The following ATP11A variants were observed in gnomAD, a reference collection of about 807,000 sequenced individuals.
ATP11A encodes phospholipid-transporting ATPase IH.
A neutral mutation model predicts 154.4 loss-of-function variants in ATP11A; 81 were observed. The ratio of observed to expected loss-of-function variants is 0.52; its 90% confidence interval spans 0.44 to 0.63. The LOEUF is 0.63. Ranked by LOEUF, ATP11A falls within the 30% of genes least tolerant of loss-of-function variation. ATP11A has a pLI of 0.00. For synonymous variants in ATP11A, 623 were observed against 585.9 expected (o/e 1.06, Z -0.91); for missense variants, 1,316 against 1,474.3 (o/e 0.89, Z 1.76).
intron 25 of ATP11A, among the ~76,000 whole-genome samples, chr13:112,870,219 T>C (rs1407386389): frequency 6.6e-6 from 1 of 152,136 alleles, no homozygotes; most frequent in African/African-American, 2.4e-5. Flanking sequence ...CTACAAAAGG[T>C]CCTAACACTT....
rs908132477 is a variant in ATP11A, at chr13:112,785,232, C to A, written c.137C>A (p.Pro46Gln). Reference sequence around the variant, plus strand: ...GAGGCCTACATCCCACAGAGATACCCAGACAACAGGATCGTCTCGTCCAAG... The same window carrying A: ...GAGGCCTACATCCCACAGAGATACCAAGACAACAGGATCGTCTCGTCCAAG... The part of the protein sequence containing the change: ...GAEAYIPQRY[P>Q]DNRIVSSKYT... The change falls in exon 2 of 30, where the codon CCA becomes CAA. Residue 46 changes from proline to glutamine, a missense_variant. Transcript: ENST00000375645. The surrounding 1 kb of genome is among the most constrained non-coding windows in gnomAD (Gnocchi z 4.8). 3 of 1,555,494 alleles carry A rather than the reference C, an allele frequency of 1.9e-6. No homozygotes were observed. The highest frequency in any genetic ancestry group is 2.8e-5 in the African/African-American group (2 of 71,850).
chr13:112,726,348 T>A (rs941518817), intron 1 of ATP11A, among the ~76,000 whole-genome samples: 1 of 149,750 alleles, frequency 6.7e-6, no homozygotes, highest in Admixed American at 6.6e-5. Context: ...GGGCACTGCA[T>A]GCGTGCAGGG....
chr13:112,848,689 T>G (rs967657800), intron 17 of ATP11A, among the ~76,000 whole-genome samples: 2 of 152,236 alleles, frequency 1.3e-5, no homozygotes, highest in African/African-American at 4.8e-5. Flanking sequence ...CTGTAGGTTT[T>G]TCTTTTCTTT....
Position 112,859,533 on chromosome 13 carries a change from G to T in ATP11A, c.2727+81G>T. On this transcript the variant is annotated intron_variant, in intron 23 of 29. Coordinates refer to ENST00000375645, the MANE Select transcript of ATP11A (RefSeq NM_015205.3). The surrounding 1 kb of genome is among the most constrained non-coding windows in gnomAD (Gnocchi z 4.3). The stretch of plus-strand genomic sequence containing the variant: ...GTGGGTGGCTGCTGTGGGGAGGGGA[G>T]ACTTGGGAATGAGCAGCACTCCCCG... 8.1e-7 allele frequency: 1 copy of T among 1,235,116 alleles called. No individual in the cohort carries two copies. Among genetic ancestry groups the T allele is most frequent in the Admixed American group, 1.7e-5 (1 of 59,354 alleles). 76.5% of individuals were successfully genotyped at this position (1,235,116 alleles called of 1,614,324 possible). A position where few individuals can be genotyped will look rare whatever the true frequency, so the allele number is the denominator to read the frequency against.
intron 4 of ATP11A, among the ~76,000 whole-genome samples, chr13:112,808,506 C>T (rs973481265): frequency 2.0e-5 from 3 of 149,948 alleles, no homozygotes; most frequent in Non-Finnish European, 4.4e-5. Context: ...CTACTGACCT[C>T]CTTGTCCCTC....
chr13:112,792,079 G>T (rs1029722438), intron 2 of ATP11A, among the ~76,000 whole-genome samples: 1 of 152,222 alleles, frequency 6.6e-6, no homozygotes, highest in African/African-American at 2.4e-5. Flanking sequence ...CTTCACAGAG[G>T]TGGGATTAGT....
rs776851946 is a variant in ATP11A at position 112,878,208 on chromosome 13, G to A, written c.3328-9G>A. 5.0e-6 allele frequency: 8 copies of A among 1,613,952 alleles called. No individual in the cohort carries two copies. The highest frequency in any genetic ancestry group is 6.8e-6 in the Non-Finnish European group (8 of 1,179,942). ...CCCTGTGTGCGTGGCCGCTGACCTC[G>A]GGACTAAGACTAAGAGCCAGTGCCT... On this transcript the variant is annotated splice_polypyrimidine_tract_variant and intron_variant, in intron 28 of 29. Transcript: ENST00000375645.
chr13:112,722,014 G>C (rs969852650), intron 1 of ATP11A, among the ~76,000 whole-genome samples: 1 of 152,088 alleles, frequency 6.6e-6, no homozygotes, highest in Non-Finnish European at 1.5e-5. Flanking sequence ...ACATAACCCT[G>C]CAATCTGAAG....
chr13:112,832,991 C>G lies in ATP11A; in HGVS notation c.1527C>G (p.Pro509=), dbSNP rs200869077. 6.2e-7 allele frequency: 1 copy of G among 1,613,364 alleles called. No homozygotes were observed. The highest frequency in any genetic ancestry group is 8.5e-7 in the Non-Finnish European group (1 of 1,179,822). Residue 509 remains proline (P), a synonymous_variant, in exon 14 of 30, where the codon CCC becomes CCG. Coordinates refer to ENST00000375645, the MANE Select transcript of ATP11A (RefSeq NM_015205.3). ...CCTGTGTGTACATCTCATCCTCGCC[C>G]GACGAGGTGGCGCTGGTCGAAGGTG... ...GKSCVYISSS[P]DEVALVEGVQ... is the part of the protein sequence containing the mutation.
rs113857132 is a variant in ATP11A, at chr13:112,826,750, C to T, written c.1080C>T (p.Ile360=). 3.3e-5 allele frequency: 53 copies of T among 1,614,094 alleles called. 1 individual carries two copies. In the African/African-American group the frequency reaches 3.5e-4, roughly 11 times the overall value. The change falls in exon 12 of 30, where the codon ATC becomes ATT. Residue 360 remains isoleucine (I), a synonymous_variant. Coordinates refer to ENST00000375645, the MANE Select transcript of ATP11A (RefSeq NM_015205.3). ...LAFMVLFNYI[I]PVSMYVTVEM... ...TCATGGTCCTCTTTAACTACATCAT[C>T]CCTGTGTCCATGTACGTCACGGTCG...
At chr13:112,842,478 G>A in intron 17 of ATP11A, 99 bp downstream of exon 17, 1 of 919,692 alleles carries the variant, frequency 1.1e-6, no homozygotes, top group South Asian at 1.4e-5. Context: ...ATGGCGTATT[G>A]TATTCCTTGG....
intron 8 of ATP11A, among the ~76,000 whole-genome samples, chr13:112,820,377 C>G (rs1394780218): frequency 2.0e-5 from 3 of 152,218 alleles, no homozygotes; most frequent in Admixed American, 1.3e-4. Context: ...CACCATCATT[C>G]TGGGGTGCAT....
rs1034769326 is a variant in ATP11A at position 112,714,316 on chromosome 13, G to A, written c.39+23861G>A. Reference sequence around the variant, plus strand: ...GCTCCAGCTGTGTTCTCCATCTCCTGGTCTGGGGTGTTCCGCTGCAGCCAC... The same window carrying A: ...GCTCCAGCTGTGTTCTCCATCTCCTAGTCTGGGGTGTTCCGCTGCAGCCAC... On this transcript the variant is annotated intron_variant, in intron 1 of 29. Transcript: ENST00000375645. 2.0e-5 allele frequency among the ~76,000 whole-genome samples: 3 copies of A among 152,020 alleles called. No homozygotes were observed. The South Asian group carries it at 6.2e-4, about 32-fold the overall frequency.
intron 1 of ATP11A, among the ~76,000 whole-genome samples, chr13:112,770,600 A>G (rs1230810265): frequency 2.6e-5 from 4 of 152,170 alleles, no homozygotes; most frequent in African/African-American, 4.8e-5. Flanking sequence ...CGAAGGTGGG[A>G]GAGAACCGTG....
rs1195718486 is a variant in ATP11A, at chr13:112,882,455, G to A, written c.*589G>A. 46 of 458,604 alleles carry A rather than the reference G, an allele frequency of 1.0e-4. No homozygotes were observed. The highest frequency in any genetic ancestry group is 2.3e-5 in the Non-Finnish European group (6 of 257,424). 28.4% of individuals were successfully genotyped at this position (458,604 alleles called of 1,614,324 possible). The stretch of plus-strand genomic sequence containing the variant: ...TAGGGTGAGGTGGAGCCATGGTGGT[G>A]CGTCCTTTACTCAACAACCCTCCAA... On this transcript the variant is annotated 3_prime_UTR_variant, in exon 30 of 30. Coordinates refer to ENST00000375645, the MANE Select transcript of ATP11A (RefSeq NM_015205.3). The surrounding 1 kb of genome is among the most constrained non-coding windows in gnomAD (Gnocchi z 5.1).
At chr13:112,737,759 G>A (rs1215213587) in intron 1 of ATP11A, among the ~76,000 whole-genome samples, 1 of 152,236 alleles carries the variant, frequency 6.6e-6, no homozygotes, top group East Asian at 1.9e-4. Flanking sequence ...ACTGCAGTGG[G>A]CTCAGTGGTG....
intron 5 of ATP11A, 66 bp from the exon 6 acceptor site, chr13:112,816,017 C>A: frequency 6.2e-7 from 1 of 1,603,074 alleles, no homozygotes; most frequent in South Asian, 1.1e-5. Flanking sequence ...GGAAGCGGTC[C>A]CACAGGACGG....
At chr13:112,795,620 A>G (rs1180864083) in intron 2 of ATP11A, among the ~76,000 whole-genome samples, 1 of 152,236 alleles carries the variant, frequency 6.6e-6, no homozygotes. Flanking sequence ...TTACTGAGTG[A>G]TGTATTATAG....
intron 1 of ATP11A, among the ~76,000 whole-genome samples, chr13:112,706,456 T>C (rs1446681464): frequency 1.3e-5 from 2 of 152,218 alleles, no homozygotes; most frequent in African/African-American, 4.8e-5. Context: ...TTCCTAAGTG[T>C]GTTTATAAGA....
Sources: allele counts gnomAD v4.1 joint callset (sites outside exome capture counted in the v4.1 genomes callset), GRCh38; gene constraint gnomAD v4.1.1; non-coding constraint Gnocchi (gnomAD v3.1); transcripts MANE v1.5; gene names NCBI Gene and HGNC (gene_info 2026-07-23, HGNC 2026-07-21).